Variants in PLSCR2 observed in about 807,000 individuals in gnomAD.
PLSCR2 encodes phospholipid scramblase 2.
In PLSCR2, 18 loss-of-function variants were observed where a neutral mutation model predicts 25.3. That is an observed-to-expected ratio of 0.71 (90% CI 0.49 to 1.06). PLSCR2 has a LOEUF of 1.06. Ranked by LOEUF, PLSCR2 falls within the 50% of genes least tolerant of loss-of-function variation. The pLI, the probability that PLSCR2 is intolerant of heterozygous loss-of-function variation, is 0.00. For synonymous variants in PLSCR2, 88 were observed against 87.3 expected, an observed-to-expected ratio of 1.01 and a Z score of -0.04; for missense variants, 243 against 269.5, an observed-to-expected ratio of 0.90 and a Z score of 0.69.
At chr3:146,401,448 A>T (rs909680596) in intron 2 of PLSCR2, 1 of 152,652 alleles carries the variant, frequency 6.6e-6, no homozygotes, top group Non-Finnish European at 1.5e-5. Context: ...AGGGCTTGAA[A>T]ATCCACAAAG....
chr3:146,484,211 G>A (rs551073), intron 1 of PLSCR2, among the ~76,000 whole-genome samples: 43,790 of 148,944 alleles, frequency 0.29, 6,450 homozygotes, highest in South Asian at 0.4. Flanking sequence ...CTATCTTGCT[G>A]AAATAAGGCA....
Position 146,458,414 on chromosome 3 carries a change from C to A in PLSCR2, c.97G>T (p.Glu33Ter). The A allele has an allele frequency of 6.6e-7, 1 of 1,505,734 alleles. No homozygotes were observed. Among genetic ancestry groups the A allele is most frequent in the Admixed American group, 2.0e-5 (1 of 50,088 alleles). The allele number at this position is 1,505,734 out of a possible 1,614,324, so 93.3% of individuals were successfully genotyped here. A position where few individuals can be genotyped will look rare whatever the true frequency, so the allele number is the denominator to read the frequency against. ...GAGCAATACAATTAATACATACCTT[C>A]CAGAAGTTCAATTTGCTGATGAATT... is the stretch of plus-strand genomic sequence containing the variant. The change falls in exon 3 of 7, where the codon GAA becomes TAA. Residue 33 changes from glutamate to a stop codon, truncating the protein, a stop_gained. Transcript: ENST00000610787. LOFTEE classifies it high-confidence loss of function.
chr3:146,445,427 A>C (rs1236060155), intron 6 of PLSCR2, among the ~76,000 whole-genome samples: 1 of 152,080 alleles, frequency 6.6e-6, no homozygotes, highest in African/African-American at 2.4e-5. Flanking sequence ...ATTTTGTTGG[A>C]TATACTATTC....
chr3:146,436,466 G>A (rs2039866198), intron 8 of PLSCR2, among the ~76,000 whole-genome samples: 1 of 152,100 alleles, frequency 6.6e-6, no homozygotes, highest in Admixed American at 6.5e-5. Context: ...GTGGTTTGTA[G>A]TTCTCCTTGA....
chr3:146,409,491 C>T (rs547600350), intron 2 of PLSCR2, among the ~76,000 whole-genome samples: 1 of 152,172 alleles, frequency 6.6e-6, no homozygotes, highest in South Asian at 2.1e-4. Flanking sequence ...GGCCTTCTGA[C>T]CAAACTCAAC....
chr3:146,488,128 T>C (rs1421761430), intron 1 of PLSCR2, among the ~76,000 whole-genome samples: 5 of 152,138 alleles, frequency 3.3e-5, no homozygotes, highest in African/African-American at 1.2e-4. Context: ...GCTAGCCATA[T>C]GCAGAATATT....
At chr3:146,490,720 T>C (rs2043518545) in intron 1 of PLSCR2, among the ~76,000 whole-genome samples, 2 of 152,178 alleles carry the variant, frequency 1.3e-5, no homozygotes, top group Admixed American at 1.3e-4. Context: ...TCCATCCCTC[T>C]ACCTTGCGCT....
At chr3:146,413,909 CTGTT>C (rs1339182568) in intron 2 of PLSCR2, among the ~76,000 whole-genome samples, 1 of 152,154 alleles carries the variant, frequency 6.6e-6, no homozygotes, top group Non-Finnish European at 1.5e-5. Context: ...CTGTCTTAGT[CTGTT>C]TGGTATTTCA....
intron 1 of PLSCR2, among the ~76,000 whole-genome samples, chr3:146,476,080 C>T (rs765290526): frequency 2.6e-5 from 4 of 151,988 alleles, no homozygotes; most frequent in East Asian, 1.9e-4. Context: ...TGTTATATAG[C>T]GGGGGCGCCG....
At chr3:146,495,088 A>C (rs370319598) in intron 1 of PLSCR2, 2 of 152,148 alleles carry the variant, frequency 1.3e-5, no homozygotes, top group African/African-American at 4.8e-5. Flanking sequence ...GGGAAAGAGG[A>C]GTATCAATTA....
At chr3:146,453,896 T>C (rs946069676) in intron 5 of PLSCR2, 106 bp downstream of exon 5, 8 of 832,490 alleles carry the variant, frequency 9.6e-6, no homozygotes, top group Non-Finnish European at 1.2e-5. Context: ...TATCTTGCTA[T>C]TGAGACATCA....
At chr3:146,449,265 A>G (rs1222336429) in exon 6 of PLSCR2, 8 of 1,613,028 alleles carry the variant, frequency 5.0e-6, no homozygotes, top group Non-Finnish European at 6.8e-6. Context: ...TCTCTAGGGA[A>G]TTGGATTCCA....
At chr3:146,438,302 G>C (rs2040012882), downstream of PLSCR2, among the ~76,000 whole-genome samples, 1 of 152,164 alleles carries the variant, frequency 6.6e-6, no homozygotes, top group African/African-American at 2.4e-5. Flanking sequence ...GCTTGGTGCA[G>C]AGCTGAGTTC....
chr3:146,460,443 G>GAAAAAAAAAAAAAAAAATAAA (rs59446001), upstream of PLSCR2, among the ~76,000 whole-genome samples: 1 of 133,774 alleles, frequency 7.5e-6, no homozygotes, highest in Non-Finnish European at 1.6e-5. Flanking sequence ...GATGAAATTG[G>GAAAAAAAAAAAAAAAAATAAA]AAAAAAAAAA....
upstream of PLSCR2, among the ~76,000 whole-genome samples, chr3:146,463,435 G>A (rs149567102): frequency 3.0e-3 from 460 of 152,258 alleles, 3 homozygotes; most frequent in African/African-American, 0.01. Context: ...GATTACAGGC[G>A]TGAGCCACCG....
chr3:146,423,234 CCTCTCTCTCT>C (rs200145864), intron 2 of PLSCR2, among the ~76,000 whole-genome samples: 13,170 of 53,320 alleles, frequency 0.25, 1,220 homozygotes, highest in Non-Finnish European at 0.33. Context: ...CCTTGCAGTG[CCTCTCTCTCT>C]CTCTCTCTCT....
chr3:146,458,627 A>G (rs1041416382), intron 2 of PLSCR2, among the ~76,000 whole-genome samples, 174 bp from the exon 3 acceptor site: 1 of 152,126 alleles, frequency 6.6e-6, no homozygotes, highest in Admixed American at 6.5e-5. Context: ...ATTTTTAATT[A>G]AAAATGCTGT....
chr3:146,494,224 T>C (rs768232833), intron 1 of PLSCR2, among the ~76,000 whole-genome samples: 4 of 152,114 alleles, frequency 2.6e-5, no homozygotes, highest in Admixed American at 6.5e-5. Flanking sequence ...CTGAATTGTT[T>C]TGTGCATATG....
chr3:146,438,197 T>C (rs1389987820), downstream of PLSCR2, among the ~76,000 whole-genome samples: 1 of 152,204 alleles, frequency 6.6e-6, no homozygotes, highest in Non-Finnish European at 1.5e-5. Context: ...CTTCCAACTA[T>C]GTGGTCAATT....
Sources: allele counts gnomAD v4.1 joint callset (sites outside exome capture counted in the v4.1 genomes callset), GRCh38; gene constraint gnomAD v4.1.1; transcripts MANE v1.5; gene names NCBI Gene and HGNC (gene_info 2026-07-23, HGNC 2026-07-21).